The following SLIT2 variants were observed in gnomAD, a reference collection of about 807,000 sequenced individuals.
SLIT2 encodes the protein slit homolog 2 protein.
SLIT2 carries 41 observed loss-of-function variants against 185.7 expected under a neutral mutation model. The observed-to-expected ratio is 0.22, with a 90% CI of 0.17 to 0.29. SLIT2 has a LOEUF of 0.29. Ranked by LOEUF, SLIT2 falls within the 10% of genes least tolerant of loss-of-function variation. The probability of loss-of-function intolerance (pLI) is 1.00; values close to 1 mark genes in which losing one functional copy is unlikely to be tolerated. For synonymous variants in SLIT2, 693 were observed against 680.2 expected, an observed-to-expected ratio of 1.02 and a Z score of -0.29; for missense variants, 1,571 against 1,909.0, an observed-to-expected ratio of 0.82 and a Z score of 3.30.
intron 5 of SLIT2, among the ~76,000 whole-genome samples, chr4:20,475,003 T>C (rs188454820): frequency 0.013 from 2,046 of 151,964 alleles, 20 homozygotes; most frequent in Non-Finnish European, 0.021. Flanking sequence ...ACAGTATCTG[T>C]AGGAATTACA....
chr4:20,354,904 TGTGAGAGAGA>T (rs1448336470), intron 4 of SLIT2, among the ~76,000 whole-genome samples: 207 of 63,328 alleles, frequency 3.3e-3, no homozygotes, highest in East Asian at 8.9e-3. Context: ...TGTGTGTGTG[TGTGAGAGAGA>T]GAGAGAGAGA....
At chr4:20,589,794 G>T (rs559007418) in intron 30 of SLIT2, 57 bp downstream of exon 30, 1 of 1,211,526 alleles carries the variant, frequency 8.3e-7, no homozygotes, top group South Asian at 1.3e-5. Context: ...ATTATTTTAG[G>T]AGCCCTTCTC....
intron 4 of SLIT2, among the ~76,000 whole-genome samples, chr4:20,322,002 A>G (rs986608383): frequency 3.9e-5 from 6 of 152,144 alleles, no homozygotes; most frequent in African/African-American, 1.4e-4. Context: ...CCTCCAGTTA[A>G]TTCTGAGGCA....
At position 20,254,795 on chromosome 4, in the gene SLIT2, T is replaced by C. The variant is rs1711593613; in HGVS notation, c.179+801T>C. On this transcript the variant is annotated intron_variant, in intron 1 of 36. Transcript: ENST00000504154. This position sits in a 1 kb window ranked among gnomAD's most constrained non-coding sequence, Gnocchi z 5.1. ...GTGCCCGGCTGCCCCCTCCGGCCCT[T>C]CCTGCTGAACCCCTGCGTCCCCATC... 1 of 401,742 alleles carries C rather than the reference T, an allele frequency of 2.5e-6. No homozygotes were observed. The highest frequency in any genetic ancestry group is 5.0e-6 in the Non-Finnish European group (1 of 200,134). The allele number at this position is 401,742 out of a possible 1,614,324, so 24.9% of individuals were successfully genotyped here.
At position 20,535,964 on chromosome 4, in the gene SLIT2, T is replaced by A. The variant is rs555401846; in HGVS notation, c.1832+2249T>A. Among the ~76,000 whole-genome samples the A allele has an allele frequency of 3.3e-5, 5 of 152,314 alleles. No homozygotes were observed. In the South Asian group the frequency reaches 1.0e-3, roughly 32 times the overall value. ...TAGATGATATGGCCTACCACATACC[T>A]AGGCTATATGGCACAGCCTATTGCT... On this transcript the variant is annotated intron_variant, in intron 18 of 36. Coordinates refer to ENST00000504154, the MANE Select transcript of SLIT2 (RefSeq NM_004787.4).
At chr4:20,532,660 C>T (rs1721912944) in intron 17 of SLIT2, among the ~76,000 whole-genome samples, 1 of 152,176 alleles carries the variant, frequency 6.6e-6, no homozygotes, top group Non-Finnish European at 1.5e-5. Context: ...CATGCAGAAA[C>T]ATCAGCATCA....
chr4:20,390,306 C>T (rs1418868982), intron 4 of SLIT2, among the ~76,000 whole-genome samples: 2 of 152,028 alleles, frequency 1.3e-5, no homozygotes, highest in Non-Finnish European at 2.9e-5. Flanking sequence ...GAATAATTGA[C>T]ACTATTGATT....
intron 4 of SLIT2, among the ~76,000 whole-genome samples, chr4:20,459,425 G>C (rs940789826): frequency 1.3e-5 from 2 of 152,160 alleles, no homozygotes; most frequent in African/African-American, 4.8e-5. Flanking sequence ...AGGAGTGAGG[G>C]TGAGAAAAGA....
At chr4:20,329,102 C>A (rs1719849449) in intron 4 of SLIT2, among the ~76,000 whole-genome samples, 1 of 151,988 alleles carries the variant, frequency 6.6e-6, no homozygotes, top group Non-Finnish European at 1.5e-5. Flanking sequence ...GCTTAGCATT[C>A]AGGCAAGTAG....
chr4:20,609,748 T>A (rs73255311), intron 33 of SLIT2, among the ~76,000 whole-genome samples: 1 of 152,346 alleles, frequency 6.6e-6, no homozygotes, highest in Non-Finnish European at 1.5e-5. Flanking sequence ...AGAATGTGGC[T>A]GGATGATGAT....
intron 4 of SLIT2, among the ~76,000 whole-genome samples, chr4:20,277,848 C>T (rs57013929): frequency 0.037 from 5,599 of 150,836 alleles, 261 homozygotes; most frequent in East Asian, 0.1. Flanking sequence ...TTAGAAATAA[C>T]TAAAAGATTA....
intron 4 of SLIT2, among the ~76,000 whole-genome samples, chr4:20,372,758 A>G (rs1434129118): frequency 1.3e-5 from 2 of 152,098 alleles, no homozygotes; most frequent in Admixed American, 1.3e-4. Context: ...AAGCATCATG[A>G]TAACAAAATT....
Position 20,254,621 on chromosome 4 carries a change from G to A in SLIT2, c.179+627G>A, listed in dbSNP as rs1222722806. 6.6e-6 allele frequency among the ~76,000 whole-genome samples: 1 copy of A among 152,010 alleles called. No individual in the cohort carries two copies. Among genetic ancestry groups the A allele is most frequent in the Non-Finnish European group, 1.5e-5 (1 of 67,978 alleles). On this transcript the variant is annotated intron_variant, in intron 1 of 36. Transcript: ENST00000504154. The surrounding 1 kb of genome is among the most constrained non-coding windows in gnomAD (Gnocchi z 5.1). ...GCAGCCCCCCGCCCCCCACTTCTCC[G>A]GGGAGGGGAAGACGGCGTCAGGCCC...
chr4:20,366,616 T>C (rs1230531678), intron 4 of SLIT2, among the ~76,000 whole-genome samples: 1 of 152,070 alleles, frequency 6.6e-6, no homozygotes, highest in East Asian at 1.9e-4. Context: ...CATCATTCAT[T>C]GCATGTGCCT....
chr4:20,486,957 G>T (rs1717301859), intron 7 of SLIT2, among the ~76,000 whole-genome samples: 1 of 151,912 alleles, frequency 6.6e-6, no homozygotes, highest in Non-Finnish European at 1.5e-5. Flanking sequence ...CATATAACGT[G>T]TAGGACATGA....
At chr4:20,476,122 T>C (rs889249353) in intron 5 of SLIT2, among the ~76,000 whole-genome samples, 58 of 152,274 alleles carry the variant, frequency 3.8e-4, no homozygotes, top group African/African-American at 1.4e-3. Flanking sequence ...TACATGTATA[T>C]GGATCAATTT....
chr4:20,601,380 T>C (rs534232592), intron 33 of SLIT2, among the ~76,000 whole-genome samples: 1 of 152,304 alleles, frequency 6.6e-6, no homozygotes, highest in East Asian at 1.9e-4. Context: ...AAATGTAAAA[T>C]ATTTGCAACA....
Position 20,528,806 on chromosome 4 carries a change from C to A in SLIT2, c.1463-143C>A. On this transcript the variant is annotated intron_variant, in intron 15 of 36. Coordinates refer to ENST00000504154, the MANE Select transcript of SLIT2 (RefSeq NM_004787.4). The surrounding 1 kb of genome is among the most constrained non-coding windows in gnomAD (Gnocchi z 4.2). ...ATTCCAAGCCTTTCTTTTAACCTTTCTCCTGACATCCATTGACCAAAATAC... is the reference window on the plus strand; with the variant it reads ...ATTCCAAGCCTTTCTTTTAACCTTTATCCTGACATCCATTGACCAAAATAC... 1.8e-6 allele frequency: 1 copy of A among 566,530 alleles called. No homozygotes were observed. Among genetic ancestry groups the A allele is most frequent in the East Asian group, 2.8e-5 (1 of 35,398 alleles). The allele number at this position is 566,530 out of a possible 1,614,324, so 35.1% of individuals were successfully genotyped here.
At chr4:20,482,920 C>T (rs761740361) in intron 6 of SLIT2, among the ~76,000 whole-genome samples, 5 of 150,744 alleles carry the variant, frequency 3.3e-5, no homozygotes, top group African/African-American at 4.9e-5. Flanking sequence ...ACTGAAAAGA[C>T]GATAATTTAT....
Sources: gnomAD v4.1 joint callset for allele counts (sites outside exome capture counted in the v4.1 genomes callset) on GRCh38, gnomAD v4.1.1 for gene constraint, Gnocchi (gnomAD v3.1) non-coding constraint, MANE v1.5 for transcripts, NCBI Gene and HGNC (gene_info 2026-07-23, HGNC 2026-07-21) for gene names.